Variants in ASIC2 observed in about 807,000 individuals in gnomAD.
The protein encoded by ASIC2 is acid sensing ion channel subunit 2, also known as acid-sensing ion channel 2.
A neutral mutation model predicts 57.3 loss-of-function variants in ASIC2; 25 were observed. That is an observed-to-expected ratio of 0.44 (90% CI 0.32 to 0.61). ASIC2 has a LOEUF of 0.61. ASIC2 is among the 20% of genes least tolerant of loss of function. The probability of loss-of-function intolerance (pLI) is 0.06; values close to 1 mark genes in which losing one functional copy is unlikely to be tolerated. For missense variants in ASIC2, 641 were observed against 738.1 expected, an observed-to-expected ratio of 0.87 and a Z score of 1.52; for synonymous variants, 319 against 307.5, an observed-to-expected ratio of 1.04 and a Z score of -0.39.
In ASIC2 at chr17:33,663,481, A is replaced by G. The variant is rs146878281; in HGVS notation, c.555+492497T>C. ...TTTTTTCTTCTTCTCCAATCTTCAC[A>G]GAAGTATATGCGTGCTAAAGTGTGC... On this transcript the variant is annotated intron_variant, in intron 1 of 9. Coordinates refer to the ASIC2 transcript ENST00000359872. Among the ~76,000 whole-genome samples, 547 of 151,190 alleles carry G rather than the reference A, an allele frequency of 3.6e-3. 3 individuals are homozygous for G. The highest frequency in any genetic ancestry group is 0.013 in the African/African-American group (516 of 41,082).
chr17:33,777,415 G>A (rs1207371520), intron 1 of ASIC2, among the ~76,000 whole-genome samples: 2 of 152,208 alleles, frequency 1.3e-5, no homozygotes, highest in Non-Finnish European at 2.9e-5. Flanking sequence ...GGATTCTGGT[G>A]TGAAGTTGCA....
intron 3 of ASIC2, among the ~76,000 whole-genome samples, chr17:33,065,419 C>T (rs577169537): frequency 6.6e-6 from 1 of 152,106 alleles, no homozygotes; most frequent in East Asian, 1.9e-4. Flanking sequence ...AAGCAGTTTT[C>T]CCACCTCAGC....
chr17:33,184,521 C>T (rs1906110554), intron 1 of ASIC2, among the ~76,000 whole-genome samples: 1 of 152,150 alleles, frequency 6.6e-6, no homozygotes, highest in Non-Finnish European at 1.5e-5. Flanking sequence ...CCTCTGTGTC[C>T]TTCATGATAA....
intron 1 of ASIC2, among the ~76,000 whole-genome samples, chr17:33,995,319 C>T (rs1906122778): frequency 6.6e-6 from 1 of 152,128 alleles, no homozygotes; most frequent in African/African-American, 2.4e-5. Flanking sequence ...AAGTCCAATC[C>T]TGACCTCTTA....
intron 1 of ASIC2, among the ~76,000 whole-genome samples, chr17:33,876,849 G>A (rs994348766): frequency 8.5e-5 from 13 of 152,134 alleles, no homozygotes; most frequent in Non-Finnish European, 1.8e-4. Flanking sequence ...AGCTTCCCTC[G>A]AAATGTTCCT....
intron 1 of ASIC2, among the ~76,000 whole-genome samples, chr17:34,031,105 C>T (rs918784986): frequency 3.3e-5 from 5 of 152,204 alleles, no homozygotes; most frequent in Admixed American, 6.5e-5. Flanking sequence ...AACTGGGAGG[C>T]ACCCCCCAGT....
chr17:33,568,394 T>C (rs560632854), intron 1 of ASIC2, among the ~76,000 whole-genome samples: 3 of 152,360 alleles, frequency 2.0e-5, no homozygotes, highest in Non-Finnish European at 2.9e-5. Flanking sequence ...AACCTCTGAA[T>C]TGATGAGGCA....
chr17:33,251,235 C>T (rs931997240), intron 1 of ASIC2, among the ~76,000 whole-genome samples: 1 of 152,144 alleles, frequency 6.6e-6, no homozygotes, highest in Non-Finnish European at 1.5e-5. Context: ...TTCTAGGTTA[C>T]CACAAAATTA....
At chr17:34,060,233 A>T (rs747065938) in intron 1 of ASIC2, among the ~76,000 whole-genome samples, 1 of 152,246 alleles carries the variant, frequency 6.6e-6, no homozygotes, top group Non-Finnish European at 1.5e-5. Flanking sequence ...GGCTAGACCC[A>T]GAAGAGAGAC....
intron 3 of ASIC2, among the ~76,000 whole-genome samples, chr17:33,079,141 A>G (rs1020125100): frequency 6.6e-6 from 1 of 152,216 alleles, no homozygotes; most frequent in African/African-American, 2.4e-5. Flanking sequence ...CAATTTATTG[A>G]ACATCTTGTA....
At chr17:34,124,737 G>C (rs1326101034) in intron 1 of ASIC2, among the ~76,000 whole-genome samples, 1 of 152,056 alleles carries the variant, frequency 6.6e-6, no homozygotes. Context: ...CTGCTTTCTT[G>C]TGACATTCGC....
intron 1 of ASIC2, among the ~76,000 whole-genome samples, chr17:34,130,593 C>A (rs780927687): frequency 1.3e-5 from 2 of 152,190 alleles, no homozygotes; most frequent in Non-Finnish European, 2.9e-5. Flanking sequence ...CTTCAATGCC[C>A]ACACCTTTCC....
At chr17:33,842,638 A>G (rs1248570919) in intron 1 of ASIC2, among the ~76,000 whole-genome samples, 1 of 152,180 alleles carries the variant, frequency 6.6e-6, no homozygotes, top group Non-Finnish European at 1.5e-5. Flanking sequence ...AGAATTAGGA[A>G]GGAGGAGGTG....
chr17:33,313,607 C>G (rs1011785878), intron 1 of ASIC2, among the ~76,000 whole-genome samples: 1 of 152,152 alleles, frequency 6.6e-6, no homozygotes, highest in Non-Finnish European at 1.5e-5. Flanking sequence ...AAGTTCAGAG[C>G]TAAAAACTCC....
intron 1 of ASIC2, among the ~76,000 whole-genome samples, chr17:33,370,945 C>T (rs929049579): frequency 1.3e-5 from 2 of 152,100 alleles, no homozygotes; most frequent in African/African-American, 4.8e-5. Flanking sequence ...AGAATAGCTA[C>T]TCCATAGACA....
At chr17:33,640,829 C>T (rs1045605429) in intron 1 of ASIC2, among the ~76,000 whole-genome samples, 4 of 152,136 alleles carry the variant, frequency 2.6e-5, no homozygotes, top group Non-Finnish European at 4.4e-5. Flanking sequence ...GGCTGGCCTG[C>T]GAGAGTCAGG....
intron 1 of ASIC2, among the ~76,000 whole-genome samples, chr17:33,161,409 A>G (rs573254860): frequency 6.6e-6 from 1 of 152,230 alleles, no homozygotes; most frequent in African/African-American, 2.4e-5. Context: ...TGTCTGCTTA[A>G]TACTATTCAA....
chr17:33,864,406 G>C (rs985529760), intron 1 of ASIC2, among the ~76,000 whole-genome samples: 1 of 152,130 alleles, frequency 6.6e-6, no homozygotes, highest in Non-Finnish European at 1.5e-5. Flanking sequence ...TGCTAGTTAA[G>C]CCCAGCCACC....
intron 1 of ASIC2, among the ~76,000 whole-genome samples, chr17:33,819,070 A>G (rs1912673417): frequency 1.3e-5 from 2 of 151,984 alleles, no homozygotes; most frequent in African/African-American, 4.8e-5. Flanking sequence ...TTTAGGAAAA[A>G]CCCAGGGATA....
Sources: allele counts gnomAD v4.1 joint callset (sites outside exome capture counted in the v4.1 genomes callset), GRCh38; gene constraint gnomAD v4.1.1; transcripts MANE v1.5; gene names NCBI Gene and HGNC (gene_info 2026-07-23, HGNC 2026-07-21).